Variants in CIT observed in about 807,000 individuals in gnomAD.
CIT encodes citron rho-interacting serine/threonine kinase.
Under a neutral mutation model 272.7 loss-of-function variants are expected in CIT, and 79 were observed. The observed-to-expected ratio is 0.29, with a 90% CI of 0.24 to 0.35. CIT has a LOEUF of 0.35. CIT is among the 10% of genes least tolerant of loss of function. CIT has a pLI of 1.00. For synonymous variants in CIT, 948 were observed against 995.6 expected, an observed-to-expected ratio of 0.95 and a Z score of 0.90; for missense variants, 1,909 against 2,618.3, an observed-to-expected ratio of 0.73 and a Z score of 5.91.
Position 119,772,760 on chromosome 12 carries a change from C to G in CIT, c.2082+10G>C, listed in dbSNP as rs373076345. On this transcript the variant is annotated intron_variant, in intron 17 of 47. Coordinates refer to ENST00000392521, the MANE Select transcript of CIT (RefSeq NM_001206999.2). The stretch of plus-strand genomic sequence containing the variant: ...GCCGCTGGGGCCTGGGCTGGAGGTT[C>G]CCTGCTCACCTCAGCTTCCACCAGC... The G allele has an allele frequency of 6.6e-5, 106 of 1,610,340 alleles. No individual in the cohort carries two copies. The African/African-American group carries it at 1.3e-3, about 19-fold the overall frequency.
Position 119,713,748 on chromosome 12 carries a change from G to T in CIT, c.4307-100C>A. The T allele has an allele frequency of 3.1e-6, 4 of 1,288,196 alleles. No individual in the cohort carries two copies. Among genetic ancestry groups the T allele is most frequent in the East Asian group, 2.3e-5 (1 of 42,854 alleles). The allele number at this position is 1,288,196 out of a possible 1,614,324, so 79.8% of individuals were successfully genotyped here. ...GCCTGGGCTTCTCTACCCCAGCCGGGCCCAGAGAGTCTGGCCCTGGCTTGC... is the reference window on the plus strand; with the variant it reads ...GCCTGGGCTTCTCTACCCCAGCCGGTCCCAGAGAGTCTGGCCCTGGCTTGC... On this transcript the variant is annotated intron_variant, in intron 33 of 47. Transcript: ENST00000392521. The surrounding 1 kb of genome is among the most constrained non-coding windows in gnomAD (Gnocchi z 5.2).
intron 23 of CIT, among the ~76,000 whole-genome samples, chr12:119,743,335 G>T (rs999912893): frequency 1.3e-5 from 2 of 152,198 alleles, no homozygotes; most frequent in Admixed American, 1.3e-4. Flanking sequence ...CCTATAGGAT[G>T]ATGAGGAGCC....
intron 19 of CIT, among the ~76,000 whole-genome samples, chr12:119,763,292 C>G (rs189851180): frequency 3.3e-5 from 5 of 152,244 alleles, no homozygotes; most frequent in Admixed American, 6.5e-5. Flanking sequence ...GCAAAGGTGG[C>G]TCACTGCAGC....
rs992950019 is a variant in CIT, at chr12:119,712,444, G to A, written c.4685-97C>T. Reference sequence around the variant, plus strand: ...AGATCAAAGATGCCCACCAAACCACGCAAATCCCAGTTACCGCCAAGGCGG... The same window carrying A: ...AGATCAAAGATGCCCACCAAACCACACAAATCCCAGTTACCGCCAAGGCGG... On this transcript the variant is annotated intron_variant, in intron 36 of 47. Coordinates refer to ENST00000392521, the MANE Select transcript of CIT (RefSeq NM_001206999.2). This position sits in a 1 kb window ranked among gnomAD's most constrained non-coding sequence, Gnocchi z 5.2. The A allele has an allele frequency of 3.1e-5, 45 of 1,439,542 alleles. No individual in the cohort carries two copies. Among genetic ancestry groups the A allele is most frequent in the African/African-American group, 7.1e-5 (5 of 70,670 alleles). 89.2% of individuals were successfully genotyped at this position (1,439,542 alleles called of 1,614,324 possible). A position where few individuals can be genotyped will look rare whatever the true frequency, so the allele number is the denominator to read the frequency against.
At chr12:119,811,060 A>T (rs796499655) in intron 9 of CIT, among the ~76,000 whole-genome samples, 6 of 152,194 alleles carry the variant, frequency 3.9e-5, no homozygotes, top group African/African-American at 1.4e-4. Context: ...CCTGGTGGCT[A>T]ACACTTGTAA....
Position 119,728,441 on chromosome 12 carries a change from G to T in CIT, c.3591+61C>A, listed in dbSNP as rs747579014. Reference sequence around the variant, plus strand: ...GAACCTAAAGCTGCTCCAAAAAAAAGAAGCCTATTAAAAGAAAAAAAAAAT... The same window carrying T: ...GAACCTAAAGCTGCTCCAAAAAAAATAAGCCTATTAAAAGAAAAAAAAAAT... On this transcript the variant is annotated intron_variant, in intron 28 of 47. Coordinates refer to ENST00000392521, the MANE Select transcript of CIT (RefSeq NM_001206999.2). The surrounding 1 kb of genome is among the most constrained non-coding windows in gnomAD (Gnocchi z 4.3). The T allele has an allele frequency of 8.7e-6, 9 of 1,037,046 alleles. No homozygotes were observed. In the African/African-American group the frequency reaches 9.7e-5, roughly 11 times the overall value. 64.2% of individuals were successfully genotyped at this position (1,037,046 alleles called of 1,614,324 possible). A position where few individuals can be genotyped will look rare whatever the true frequency, so the allele number is the denominator to read the frequency against.
At chr12:119,807,226 A>G (rs1406948278) in intron 9 of CIT, among the ~76,000 whole-genome samples, 1 of 152,254 alleles carries the variant, frequency 6.6e-6, no homozygotes, top group Non-Finnish European at 1.5e-5. Context: ...AAAGAGACGG[A>G]AAACATGAGA....
intron 3 of CIT, among the ~76,000 whole-genome samples, 193 bp downstream of exon 3, chr12:119,868,867 C>T (rs951396731): frequency 2.0e-5 from 3 of 152,152 alleles, no homozygotes; most frequent in African/African-American, 7.2e-5. Context: ...AAGTTTGTCG[C>T]TTGCAACCAA....
At chr12:119,751,043 A>C (rs1960197524) in intron 23 of CIT, among the ~76,000 whole-genome samples, 1 of 152,178 alleles carries the variant, frequency 6.6e-6, no homozygotes, top group African/African-American at 2.4e-5. Context: ...CCTGACCAGC[A>C]GGCAGGTGTG....
intron 12 of CIT, 107 bp from the exon 13 acceptor site, chr12:119,782,744 G>A (rs781337755): frequency 4.0e-5 from 54 of 1,356,052 alleles, no homozygotes; most frequent in Admixed American, 6.5e-5. Context: ...GGACAGTTTC[G>A]AGTGACGGAC....
At chr12:119,810,085 T>C (rs889487886) in intron 9 of CIT, among the ~76,000 whole-genome samples, 24 of 152,188 alleles carry the variant, frequency 1.6e-4, no homozygotes, top group African/African-American at 5.3e-4. Context: ...AGCCAATTAA[T>C]TGAACTCAAA....
At chr12:119,824,393 A>C (rs1967997216) in intron 8 of CIT, among the ~76,000 whole-genome samples, 1 of 152,184 alleles carries the variant, frequency 6.6e-6, no homozygotes, top group Non-Finnish European at 1.5e-5. Context: ...TGACTAAACT[A>C]TATCTCCTCA....
At chr12:119,815,021 G>A (rs1368931796) in intron 9 of CIT, among the ~76,000 whole-genome samples, 1 of 143,000 alleles carries the variant, frequency 7.0e-6, no homozygotes, top group African/African-American at 2.6e-5. Context: ...CTGGCTGACA[G>A]AGGAAGACTC....
At chr12:119,805,964 A>G (rs1472188357) in intron 9 of CIT, among the ~76,000 whole-genome samples, 1 of 151,966 alleles carries the variant, frequency 6.6e-6, no homozygotes, top group Non-Finnish European at 1.5e-5. Flanking sequence ...GTAAAACCCC[A>G]TCTCTATTAA....
At chr12:119,734,617 A>G (rs1958653674) in intron 25 of CIT, among the ~76,000 whole-genome samples, 1 of 151,800 alleles carries the variant, frequency 6.6e-6, no homozygotes, top group Non-Finnish European at 1.5e-5. Context: ...TGATCCCCCA[A>G]AGCATTTGAT....
intron 32 of CIT, 146 bp from the exon 33 acceptor site, chr12:119,714,480 T>G: frequency 1.3e-6 from 1 of 796,888 alleles, no homozygotes; most frequent in Non-Finnish European, 1.9e-6. Flanking sequence ...AAAGAACTCT[T>G]ACAACTCAAT....
At chr12:119,805,609 T>C (rs1966545608) in intron 9 of CIT, among the ~76,000 whole-genome samples, 1 of 152,234 alleles carries the variant, frequency 6.6e-6, no homozygotes, top group East Asian at 1.9e-4. Context: ...AGCAGAACTT[T>C]ATAATTCCTT....
At chr12:119,752,693 G>A (rs1960417658) in intron 22 of CIT, among the ~76,000 whole-genome samples, 1 of 152,174 alleles carries the variant, frequency 6.6e-6, no homozygotes. Context: ...CGCTTTCTCT[G>A]ATGTGTCCTC....
rs56336823 is a variant in CIT, at chr12:119,752,254, C to G, written c.2707-7G>C. On this transcript the variant is annotated splice_polypyrimidine_tract_variant and splice_region_variant and intron_variant, in intron 22 of 47. Coordinates refer to ENST00000392521, the MANE Select transcript of CIT (RefSeq NM_001206999.2). ...CCTCGTGCTCTAGACTGACCTGAGA[C>G]AGAGAGAGAGAGAGAAAGAGAGATA... The G allele has an allele frequency of 0.042, 66,308 of 1,574,886 alleles. 2,689 individuals are homozygous for G. The highest frequency in any genetic ancestry group is 0.23 in the African/African-American group (17,039 of 74,126).
Sources: gnomAD v4.1 joint callset for allele counts (sites outside exome capture counted in the v4.1 genomes callset) on GRCh38, gnomAD v4.1.1 for gene constraint, Gnocchi (gnomAD v3.1) non-coding constraint, MANE v1.5 for transcripts, NCBI Gene and HGNC (gene_info 2026-07-23, HGNC 2026-07-21) for gene names.